IQCJ: variants seen among roughly 807,000 people sequenced by gnomAD.
IQCJ encodes IQ domain-containing protein J.
Under a neutral mutation model 11.0 loss-of-function variants are expected in IQCJ, and 9 were observed. The ratio of observed to expected loss-of-function variants is 0.82; its 90% CI spans 0.49 to 1.43. The LOEUF is 1.43. Among genes scored for constraint, IQCJ ranks in the 40% most tolerant of loss-of-function variants. IQCJ has a pLI of 0.00. For missense variants in IQCJ, 146 were observed against 133.2 expected, an observed-to-expected ratio of 1.10 and a Z score of -0.47; for synonymous variants, 55 against 51.3, an observed-to-expected ratio of 1.07 and a Z score of -0.31.
intron 1 of IQCJ, among the ~76,000 whole-genome samples, chr3:159,163,655 A>G (rs2108225149): frequency 6.6e-6 from 1 of 152,280 alleles, no homozygotes; most frequent in Non-Finnish European, 1.5e-5. Context: ...TTGAGCCACC[A>G]TGCCCAGCCT....
intron 1 of IQCJ, among the ~76,000 whole-genome samples, chr3:159,101,564 T>C (rs1341375600): frequency 6.6e-6 from 1 of 152,218 alleles, no homozygotes; most frequent in African/African-American, 2.4e-5. Flanking sequence ...ACGGCAACCT[T>C]CTTTGTTCAT....
At chr3:159,121,321 G>T (rs1033596484) in intron 1 of IQCJ, among the ~76,000 whole-genome samples, 1 of 151,650 alleles carries the variant, frequency 6.6e-6, no homozygotes, top group Admixed American at 6.6e-5. Flanking sequence ...TTTTTTTAGA[G>T]ACTGGGTCTT....
intron 1 of IQCJ, among the ~76,000 whole-genome samples, chr3:159,225,042 G>A (rs987069082): frequency 6.6e-6 from 1 of 152,010 alleles, no homozygotes; most frequent in African/African-American, 2.4e-5. Flanking sequence ...CATAAAAATA[G>A]AAAGTTGTGT....
intron 1 of IQCJ, among the ~76,000 whole-genome samples, chr3:159,153,906 GA>G (rs906466207): frequency 6.6e-6 from 1 of 152,190 alleles, no homozygotes; most frequent in African/African-American, 2.4e-5. Flanking sequence ...AGTTCCCACA[GA>G]AGACTGGTTC....
At chr3:159,167,146 C>A (rs967768080) in intron 1 of IQCJ, among the ~76,000 whole-genome samples, 2 of 152,180 alleles carry the variant, frequency 1.3e-5, no homozygotes, top group Non-Finnish European at 2.9e-5. Flanking sequence ...GAAATCAATA[C>A]CAGCACAGGT....
chr3:159,260,357 G>A (rs1728130645), intron 3 of IQCJ, among the ~76,000 whole-genome samples: 1 of 152,242 alleles, frequency 6.6e-6, no homozygotes, highest in African/African-American at 2.4e-5. Flanking sequence ...AAAAAGGACA[G>A]TGTAGAATAC....
intron 1 of IQCJ, among the ~76,000 whole-genome samples, chr3:159,222,333 T>C (rs1180767168): frequency 2.0e-5 from 3 of 152,182 alleles, no homozygotes; most frequent in African/African-American, 4.8e-5. Context: ...GAAGCAGATA[T>C]TGCCATTTGT....
In IQCJ at chr3:159,178,813, T is replaced by TC. The variant is rs1483930924; in HGVS notation, c.10-67029dup. On this transcript the variant is annotated intron_variant, in intron 1 of 3. Transcript: ENST00000397832. ...GGAGAAAACAGGAGGTCCAGAGGGGTCATAAGTTGTCCAAGTTGCTCAACA... is the reference window on the plus strand; with the variant it reads ...GGAGAAAACAGGAGGTCCAGAGGGGTCCATAAGTTGTCCAAGTTGCTCAACA... 2.8e-4 allele frequency among the ~76,000 whole-genome samples: 43 copies of TC among 152,002 alleles called. 1 individual carries two copies. Among genetic ancestry groups the TC allele is most frequent in the Admixed American group, 2.8e-3 (43 of 15,256 alleles).
At chr3:159,163,339 T>C (rs1721981665) in intron 1 of IQCJ, among the ~76,000 whole-genome samples, 2 of 152,158 alleles carry the variant, frequency 1.3e-5, no homozygotes, top group Admixed American at 1.3e-4. Context: ...ACTATCTCAA[T>C]AGATGCAGAA....
At chr3:159,137,037 G>A (rs1464600476) in intron 1 of IQCJ, among the ~76,000 whole-genome samples, 1 of 152,132 alleles carries the variant, frequency 6.6e-6, no homozygotes, top group Non-Finnish European at 1.5e-5. Flanking sequence ...ACTGAAGCAG[G>A]TGGATCACCA....
intron 1 of IQCJ, among the ~76,000 whole-genome samples, chr3:159,170,708 G>T (rs867057027): frequency 1.3e-5 from 2 of 151,826 alleles, no homozygotes; most frequent in African/African-American, 4.8e-5. Context: ...ACCTTAGCTG[G>T]GGTAATGTGC....
chr3:159,167,730 A>G (rs892184537), intron 1 of IQCJ, among the ~76,000 whole-genome samples: 1 of 152,226 alleles, frequency 6.6e-6, no homozygotes, highest in African/African-American at 2.4e-5. Context: ...CAAAACAGAC[A>G]TAATCCCTAC....
At chr3:159,255,892 G>C (rs1183559228) in intron 3 of IQCJ, among the ~76,000 whole-genome samples, 1 of 152,184 alleles carries the variant, frequency 6.6e-6, no homozygotes, top group South Asian at 2.1e-4. Context: ...AGCACCAAAA[G>C]GAAGGCTCTC....
At chr3:159,260,718 A>G (rs1297594194) in intron 3 of IQCJ, among the ~76,000 whole-genome samples, 2 of 152,172 alleles carry the variant, frequency 1.3e-5, no homozygotes, top group South Asian at 4.1e-4. Context: ...TTTGAGCAAG[A>G]TTTCGTAATA....
At chr3:159,070,661 T>C (rs1277242276) in intron 1 of IQCJ, among the ~76,000 whole-genome samples, 3 of 152,094 alleles carry the variant, frequency 2.0e-5, no homozygotes, top group Admixed American at 2.0e-4. Context: ...CTAATTTTTG[T>C]AAAGAAGAGA....
chr3:159,089,859 G>C (rs2108077711), intron 1 of IQCJ, among the ~76,000 whole-genome samples: 1 of 151,660 alleles, frequency 6.6e-6, no homozygotes, highest in East Asian at 1.9e-4. Context: ...TTTGCCTTTG[G>C]TTTGAGTGTC....
chr3:159,119,626 G>A (rs1034488495), intron 1 of IQCJ, among the ~76,000 whole-genome samples: 8 of 152,216 alleles, frequency 5.3e-5, no homozygotes, highest in Admixed American at 5.2e-4. Flanking sequence ...AGAGAAAGGA[G>A]ACTAGAGATA....
intron 1 of IQCJ, among the ~76,000 whole-genome samples, chr3:159,232,069 T>G (rs1227115913): frequency 2.0e-5 from 3 of 152,214 alleles, no homozygotes; most frequent in African/African-American, 7.2e-5. Context: ...TGTTGATCTT[T>G]TCAAAAAACC....
At chr3:159,150,064 T>C (rs1419393681) in intron 1 of IQCJ, among the ~76,000 whole-genome samples, 1 of 152,182 alleles carries the variant, frequency 6.6e-6, no homozygotes, top group Non-Finnish European at 1.5e-5. Context: ...TACTTCTTTA[T>C]CCTTTGAACT....
Sources: allele counts gnomAD v4.1 joint callset (sites outside exome capture counted in the v4.1 genomes callset), GRCh38; gene constraint gnomAD v4.1.1; transcripts MANE v1.5; gene names NCBI Gene and HGNC (gene_info 2026-07-23, HGNC 2026-07-21).